Variants in ZFPM1 observed in about 807,000 individuals in gnomAD.
ZFPM1 encodes the protein zinc finger protein ZFPM1.
Under a neutral mutation model 46.3 loss-of-function variants are expected in ZFPM1, and 28 were observed. That is an observed-to-expected ratio of 0.60 (90% confidence interval 0.45 to 0.83). The LOEUF (loss-of-function observed/expected upper bound fraction) is 0.83. Ranked by LOEUF, ZFPM1 falls within the 40% of genes least tolerant of loss-of-function variation. The pLI, the probability that ZFPM1 is intolerant of heterozygous loss-of-function variation, is 0.00. For synonymous variants in ZFPM1, 957 were observed against 675.9 expected (o/e 1.42, Z -6.45); for missense variants, 1,878 against 1,432.4 (o/e 1.31, Z -5.02).
At chr16:88,510,888 C>T (rs954030930) in intron 3 of ZFPM1, among the ~76,000 whole-genome samples, 2 of 152,210 alleles carry the variant, frequency 1.3e-5, no homozygotes, top group East Asian at 3.8e-4. Context: ...GGAAAGAATC[C>T]TCACAAGTCC....
intron 8 of ZFPM1, 27 bp downstream of exon 8, chr16:88,532,736 T>A: frequency 6.2e-7 from 1 of 1,612,224 alleles, no homozygotes. Context: ...CCGGGGGGTG[T>A]GTGGGTCCCG....
Position 88,534,910 on chromosome 16 carries a change from C to T in ZFPM1, c.2952C>T (p.Ser984=). 1.3e-6 allele frequency: 2 copies of T among 1,559,456 alleles called. No homozygotes were observed. Among genetic ancestry groups the T allele is most frequent in the Non-Finnish European group, 1.7e-6 (2 of 1,156,068 alleles). Residue 984 remains serine (S), a synonymous_variant, in exon 10 of 10, where the codon AGC becomes AGT. Coordinates refer to ENST00000319555, the MANE Select transcript of ZFPM1 (RefSeq NM_153813.3). ...RYCRLCNIKF[S]SLSTFIAHKK... Reference sequence around the variant, plus strand: ...GCCGTCTTTGCAACATCAAGTTCAGCAGCCTGTCCACCTTCATCGCCCACA... The same window carrying T: ...GCCGTCTTTGCAACATCAAGTTCAGTAGCCTGTCCACCTTCATCGCCCACA...
upstream of ZFPM1, among the ~76,000 whole-genome samples, chr16:88,452,376 G>A (rs941530567): frequency 3.9e-5 from 6 of 152,218 alleles, no homozygotes; most frequent in Non-Finnish European, 8.8e-5. Flanking sequence ...CTGTGGCCCG[G>A]GCGCTGTGGG....
intron 1 of ZFPM1, among the ~76,000 whole-genome samples, chr16:88,460,272 T>G (rs11641076): frequency 6.6e-6 from 1 of 152,066 alleles, no homozygotes; most frequent in East Asian, 1.9e-4. Flanking sequence ...CCCAGCCTAC[T>G]GTTGGCAGGG....
chr16:88,491,390 G>T (rs1909565916), intron 3 of ZFPM1, among the ~76,000 whole-genome samples: 1 of 152,332 alleles, frequency 6.6e-6, no homozygotes, highest in South Asian at 2.1e-4. Context: ...AGGGTGCTGG[G>T]CAGTCCTCAC....
chr16:88,498,024 C>T (rs749969002), intron 3 of ZFPM1, among the ~76,000 whole-genome samples: 28 of 152,166 alleles, frequency 1.8e-4, no homozygotes, highest in Non-Finnish European at 1.8e-4. Context: ...GCCTTATCAG[C>T]GGCCCTGTGC....
At chr16:88,477,619 T>A (rs1372937768) in intron 1 of ZFPM1, among the ~76,000 whole-genome samples, 2 of 152,146 alleles carry the variant, frequency 1.3e-5, no homozygotes, top group Non-Finnish European at 2.9e-5. Flanking sequence ...CGCTTGAGTC[T>A]AGGGGTTTGA....
At position 88,526,776 on chromosome 16, in the gene ZFPM1, C is replaced by T. The variant is rs139959715; in HGVS notation, c.403-38C>T. ...CGGGAACCCCCAGGCAGGCTGCTGA[C>T]GGACCCCTCCCCACGTGTTCCTACC... On this transcript the variant is annotated intron_variant, in intron 4 of 9. Transcript: ENST00000319555. 340 of 1,531,296 alleles carry T rather than the reference C, an allele frequency of 2.2e-4. 1 individual carries two copies. In the African/African-American group the frequency reaches 4.0e-3, roughly 18 times the overall value. The allele number at this position is 1,531,296 out of a possible 1,614,324, so 94.9% of individuals were successfully genotyped here. A position where few individuals can be genotyped will look rare whatever the true frequency, so the allele number is the denominator to read the frequency against.
chr16:88,533,909 G>T lies in ZFPM1; in HGVS notation c.1951G>T (p.Ala651Ser). The T allele has an allele frequency of 1.8e-6, 2 of 1,117,108 alleles. No homozygotes were observed. Among genetic ancestry groups the T allele is most frequent in the South Asian group, 3.9e-5 (2 of 51,364 alleles). The allele number at this position is 1,117,108 out of a possible 1,614,324, so 69.2% of individuals were successfully genotyped here. ...AGCGCGCGAGGAGGGGGCTGGGGGC[G>T]CGGCCACGCCCGAGGACGGCGCGGG... ...PGAREEGAGG[A>S]ATPEDGAGGR... is the part of the protein sequence containing the mutation. The change falls in exon 10 of 10, where the codon GCG (alanine) becomes TCG (serine). Residue 651 changes from alanine (A) to serine (S), a missense_variant. By Grantham distance (99) the Ala-to-Ser change is moderately conservative. Transcript: ENST00000319555.
chr16:88,458,524 A>G (rs1415464074), intron 1 of ZFPM1, among the ~76,000 whole-genome samples: 2 of 152,128 alleles, frequency 1.3e-5, no homozygotes, highest in Non-Finnish European at 2.9e-5. Flanking sequence ...TGTGCCCCTT[A>G]TCTCCTGTTT....
intron 1 of ZFPM1, among the ~76,000 whole-genome samples, chr16:88,465,668 T>C (rs1384628540): frequency 6.6e-6 from 1 of 152,086 alleles, no homozygotes. Flanking sequence ...CTTGCCTGCA[T>C]TGAGAAACCC....
At chr16:88,507,158 A>G (rs1200839849) in intron 3 of ZFPM1, among the ~76,000 whole-genome samples, 2 of 152,258 alleles carry the variant, frequency 1.3e-5, no homozygotes, top group East Asian at 3.9e-4. Flanking sequence ...GTTTGCGATC[A>G]GAGGACCTGG....
At chr16:88,487,217 C>T (rs1442224839) in intron 2 of ZFPM1, among the ~76,000 whole-genome samples, 1 of 152,188 alleles carries the variant, frequency 6.6e-6, no homozygotes, top group African/African-American at 2.4e-5. Flanking sequence ...TCAGCATGCT[C>T]ACCCCCATTT....
chr16:88,499,981 G>A (rs1910159706), intron 3 of ZFPM1, among the ~76,000 whole-genome samples: 2 of 152,246 alleles, frequency 1.3e-5, no homozygotes, highest in South Asian at 4.1e-4. Context: ...TGGGGGGCGG[G>A]GGCCGGGCCT....
rs1316829428 is a variant in ZFPM1 at position 88,534,748 on chromosome 16, C to A, written c.2790C>A (p.Pro930=). 11 of 1,011,382 alleles carry A rather than the reference C, an allele frequency of 1.1e-5. No individual in the cohort carries two copies. The highest frequency in any genetic ancestry group is 1.2e-5 in the Non-Finnish European group (10 of 846,924). The allele number at this position is 1,011,382 out of a possible 1,614,324, so 62.7% of individuals were successfully genotyped here. A position where few individuals can be genotyped will look rare whatever the true frequency, so the allele number is the denominator to read the frequency against. ...GCCCGGAGCCCCAGGAGCCGCCGCC[C>A]GGCCCGCCCCCGTCCCCGGCCGCCG... ...GLGPEPQEPP[P]GPPPSPAAAP... is the part of the protein sequence containing the mutation. Residue 930 remains proline, a synonymous_variant, in exon 10 of 10, where the codon CCC becomes CCA. Transcript: ENST00000319555.
chr16:88,462,464 A>G (rs1248088187), intron 1 of ZFPM1, among the ~76,000 whole-genome samples: 1 of 152,244 alleles, frequency 6.6e-6, no homozygotes. Context: ...TGGCTGCGCT[A>G]GAGTCTCACA....
chr16:88,521,891 C>T (rs1274105134), intron 4 of ZFPM1: 1 of 153,786 alleles, frequency 6.5e-6, no homozygotes, highest in Non-Finnish European at 1.4e-5. Context: ...CCGTGCTGTT[C>T]CTTGGCCCCC....
At chr16:88,490,061 T>C (rs908420084) in intron 3 of ZFPM1, among the ~76,000 whole-genome samples, 15 of 151,570 alleles carry the variant, frequency 9.9e-5, no homozygotes, top group African/African-American at 3.4e-4. Context: ...TTATTATTTT[T>C]TTTTTTTTTT....
upstream of ZFPM1, among the ~76,000 whole-genome samples, chr16:88,453,163 C>T (rs1907355744): frequency 7.8e-6 from 1 of 128,440 alleles, no homozygotes; most frequent in African/African-American, 3.0e-5. Flanking sequence ...GCGCTGGGGG[C>T]GGAGCCGGAG....
Sources: allele counts gnomAD v4.1 joint callset (sites outside exome capture counted in the v4.1 genomes callset), GRCh38; gene constraint gnomAD v4.1.1; transcripts MANE v1.5; gene names NCBI Gene and HGNC (gene_info 2026-07-23, HGNC 2026-07-21).